FAF1: variants seen among roughly 807,000 people sequenced by gnomAD.
FAF1 encodes the protein Fas associated factor 1, also known as FAS-associated factor 1.
In FAF1, 25 loss-of-function variants were observed where a neutral mutation model predicts 92.5. The ratio of observed to expected loss-of-function variants is 0.27; its 90% confidence interval spans 0.20 to 0.38. The LOEUF is 0.38. FAF1 is among the 10% of genes least tolerant of loss of function. The pLI is 1.00. For missense variants in FAF1, 636 were observed against 793.3 expected, an observed-to-expected ratio of 0.80 and a Z score of 2.38; for synonymous variants, 234 against 273.2, an observed-to-expected ratio of 0.86 and a Z score of 1.42.
In FAF1 at chr1:50,779,410, C is replaced by T. The variant is rs1323021140; in HGVS notation, c.367+8590G>A. 3.3e-5 allele frequency among the ~76,000 whole-genome samples: 5 copies of T among 152,144 alleles called. No individual in the cohort carries two copies. In the East Asian group the frequency reaches 9.6e-4, roughly 29 times the overall value. The stretch of plus-strand genomic sequence containing the variant: ...TCAGAAGAATCACTACATATGGCAG[C>T]TACAGCCTTATGAAATGTATTTCTT... On this transcript the variant is annotated intron_variant, in intron 4 of 18. Transcript: ENST00000396153.
At chr1:50,873,906 T>C (rs772367292) in intron 1 of FAF1, among the ~76,000 whole-genome samples, 1 of 152,164 alleles carries the variant, frequency 6.6e-6, no homozygotes, top group Non-Finnish European at 1.5e-5. Flanking sequence ...CCTGCATCAT[T>C]GCTAGAGAAC....
At chr1:50,799,193 T>C (rs1288579178) in intron 3 of FAF1, among the ~76,000 whole-genome samples, 1 of 152,246 alleles carries the variant, frequency 6.6e-6, no homozygotes, top group Non-Finnish European at 1.5e-5. Context: ...GGATAGAGCA[T>C]GGCTTTTAAA....
intron 1 of FAF1, among the ~76,000 whole-genome samples, chr1:50,891,472 T>C (rs1000259776): frequency 1.3e-5 from 2 of 152,158 alleles, no homozygotes; most frequent in Non-Finnish European, 2.9e-5. Flanking sequence ...TCTGCTCTGG[T>C]TTCTTGCCAT....
chr1:50,864,036 G>C (rs1011299143), intron 1 of FAF1, among the ~76,000 whole-genome samples: 1 of 148,172 alleles, frequency 6.7e-6, no homozygotes, highest in Non-Finnish European at 1.5e-5. Context: ...ATTTCTGTGG[G>C]ATCAGTGGTG....
chr1:50,882,195 C>A (rs1046594706), intron 1 of FAF1, among the ~76,000 whole-genome samples: 1 of 151,936 alleles, frequency 6.6e-6, no homozygotes, highest in African/African-American at 2.4e-5. Flanking sequence ...TAAATTAAGC[C>A]CCAAAAGAAA....
At position 50,569,352 on chromosome 1, in the gene FAF1, T is replaced by C. The variant is rs1044300825; in HGVS notation, c.1114-2121A>G. Among the ~76,000 whole-genome samples the C allele has an allele frequency of 2.2e-4, 34 of 152,084 alleles. 1 individual carries two copies. Among genetic ancestry groups the C allele is most frequent in the Non-Finnish European group, 1.5e-4 (10 of 68,010 alleles). On this transcript the variant is annotated intron_variant, in intron 12 of 18. Transcript: ENST00000396153. The stretch of plus-strand genomic sequence containing the variant: ...CTTTGCATCTTTAAACTAGCCTGGG[T>C]CCCAGCCTGTTTGATGAAAGAAACA...
At chr1:50,895,976 T>C (rs1644754756) in intron 1 of FAF1, among the ~76,000 whole-genome samples, 1 of 152,204 alleles carries the variant, frequency 6.6e-6, no homozygotes, top group Non-Finnish European at 1.5e-5. Context: ...GTCTTTCTTC[T>C]AAGATTGGGA....
At chr1:50,851,512 T>C (rs1213015091) in intron 2 of FAF1, among the ~76,000 whole-genome samples, 1 of 152,216 alleles carries the variant, frequency 6.6e-6, no homozygotes, top group East Asian at 1.9e-4. Flanking sequence ...CTAAAACATA[T>C]ATTTATACTG....
At chr1:50,534,333 T>C (rs185072945) in intron 15 of FAF1, among the ~76,000 whole-genome samples, 2 of 152,076 alleles carry the variant, frequency 1.3e-5, no homozygotes, top group East Asian at 3.9e-4. Context: ...CAGGCTGGAG[T>C]ACAGTGGCAT....
chr1:50,608,204 G>C (rs1479236547), intron 8 of FAF1, among the ~76,000 whole-genome samples: 1 of 152,194 alleles, frequency 6.6e-6, no homozygotes, highest in African/African-American at 2.4e-5. Flanking sequence ...ACATGGAAAG[G>C]GGCAGTAACT....
chr1:50,485,908 G>T (rs1321134120), intron 17 of FAF1, among the ~76,000 whole-genome samples: 1 of 152,008 alleles, frequency 6.6e-6, no homozygotes, highest in Non-Finnish European at 1.5e-5. Flanking sequence ...TAATCCATCA[G>T]ATCTTGTGAG....
intron 1 of FAF1, among the ~76,000 whole-genome samples, chr1:50,944,597 C>T (rs1256611517): frequency 1.3e-5 from 2 of 152,210 alleles, no homozygotes; most frequent in Non-Finnish European, 2.9e-5. Context: ...ATAAAACCTA[C>T]AGAAACCCAT....
At chr1:50,781,189 C>G (rs1661165023) in intron 4 of FAF1, 1 of 173,892 alleles carries the variant, frequency 5.8e-6, no homozygotes, top group African/African-American at 2.4e-5. Flanking sequence ...GCCAACTAGG[C>G]CAGAGCCTCA....
At chr1:50,557,328 T>C (rs1252279143) in intron 13 of FAF1, among the ~76,000 whole-genome samples, 8 of 152,214 alleles carry the variant, frequency 5.3e-5, no homozygotes, top group Non-Finnish European at 1.0e-4. Context: ...TAAAAAGTCT[T>C]TAGAGTTAAC....
intron 4 of FAF1, among the ~76,000 whole-genome samples, chr1:50,746,271 TATATATATATATATATATATA>T (rs1369912510): frequency 0.01 from 253 of 24,836 alleles, 2 homozygotes; most frequent in South Asian, 0.014. Flanking sequence ...TATATATATA[TATATATATATATATATATATA>T]TTTTTTTTTT....
intron 13 of FAF1, among the ~76,000 whole-genome samples, chr1:50,554,390 T>TATATATATATAGAGAGAGAGAGAG: frequency 1.3e-4 from 12 of 93,680 alleles, no homozygotes; most frequent in African/African-American, 3.8e-4. Context: ...TATATATATA[T>TATATATATATAGAGAGAGAGAGAG]AGAGAGAGAG....
chr1:50,760,428 T>C lies in FAF1; in HGVS notation c.368-15653A>G, dbSNP rs530068619. Among the ~76,000 whole-genome samples, 12 of 152,248 alleles carry C rather than the reference T, an allele frequency of 7.9e-5. No individual in the cohort carries two copies. The East Asian group carries it at 9.7e-4, about 12-fold the overall frequency. On this transcript the variant is annotated intron_variant, in intron 4 of 18. Coordinates refer to ENST00000396153, the MANE Select transcript of FAF1 (RefSeq NM_007051.3). ...CACACTTATTCCAAAATTGACCACA[T>C]AGATGGAAGTAAAGCTCTCCTCTGC...
In FAF1 at chr1:50,438,781, A is replaced by G. The variant is rs1409359992; in HGVS notation, c.*2659T>C. ...AGCAGCAAGTAAAATCTATAAAAGC[A>G]TAAATCTTACTCTCTTATGTTAAAA... is the stretch of plus-strand genomic sequence containing the variant. On this transcript the variant is annotated 3_prime_UTR_variant, in exon 19 of 19. Transcript: ENST00000396153. 6.6e-6 allele frequency: 1 copy of G among 152,262 alleles called. No individual in the cohort carries two copies. The highest frequency in any genetic ancestry group is 1.5e-5 in the Non-Finnish European group (1 of 68,052). 9.4% of individuals were successfully genotyped at this position (152,262 alleles called of 1,614,324 possible).
chr1:50,568,923 T>A (rs933367134), intron 12 of FAF1, among the ~76,000 whole-genome samples: 1 of 152,158 alleles, frequency 6.6e-6, no homozygotes, highest in Non-Finnish European at 1.5e-5. Context: ...GCTCAGCTGA[T>A]CCCACCCTGC....
Sources: gnomAD v4.1 joint callset for allele counts (sites outside exome capture counted in the v4.1 genomes callset) on GRCh38, gnomAD v4.1.1 for gene constraint, MANE v1.5 for transcripts, NCBI Gene and HGNC (gene_info 2026-07-23, HGNC 2026-07-21) for gene names.